The following UBE2R2 variants were observed in gnomAD, a reference collection of about 807,000 sequenced individuals.
UBE2R2 encodes the protein ubiquitin conjugating enzyme E2 R2.
A neutral mutation model predicts 27.8 loss-of-function variants in UBE2R2; 1 was observed. The ratio of observed to expected loss-of-function variants is 0.04; its 90% CI spans 0.01 to 0.17. The LOEUF (loss-of-function observed/expected upper bound fraction) is 0.17, where lower values mean the gene tolerates loss of function less well. UBE2R2 is among the 10% of genes least tolerant of loss of function. The pLI is 1.00. For missense variants in UBE2R2, 100 were observed against 291.0 expected, an observed-to-expected ratio of 0.34 and a Z score of 4.78; for synonymous variants, 106 against 113.3, an observed-to-expected ratio of 0.94 and a Z score of 0.41.
At chr9:33,853,651 C>T (rs1821023530) in intron 1 of UBE2R2, among the ~76,000 whole-genome samples, 1 of 151,954 alleles carries the variant, frequency 6.6e-6, no homozygotes, top group Non-Finnish European at 1.5e-5. Flanking sequence ...TTTATTTATC[C>T]ATCCACAAAC....
intron 1 of UBE2R2, among the ~76,000 whole-genome samples, chr9:33,838,477 T>C (rs2248910): frequency 0.61 from 93,097 of 151,676 alleles, 28,700 homozygotes; most frequent in East Asian, 0.77. Context: ...TAAACTTTCC[T>C]GAGATGTTTG....
chr9:33,863,230 G>C (rs557855402), intron 1 of UBE2R2, among the ~76,000 whole-genome samples: 1 of 151,148 alleles, frequency 6.6e-6, no homozygotes, highest in African/African-American at 2.4e-5. Context: ...GAAAGTACAT[G>C]GGTACATGGT....
At chr9:33,873,174 TAAAAA>T (rs540364601) in intron 1 of UBE2R2, among the ~76,000 whole-genome samples, 5 of 109,176 alleles carry the variant, frequency 4.6e-5, no homozygotes, top group African/African-American at 1.0e-4. Context: ...GACTCCGTCT[TAAAAA>T]AAAAAAAAAA....
At position 33,817,574 on chromosome 9, in the gene UBE2R2, T is replaced by G; in HGVS notation, c.-184T>G. ...GGCCCGGCCCGGCCTGCGTCGTGTGTGAGGAGGACCCCGGGCGGGCCCACG... is the reference window on the plus strand; with the variant it reads ...GGCCCGGCCCGGCCTGCGTCGTGTGGGAGGAGGACCCCGGGCGGGCCCACG... On this transcript the variant is annotated 5_prime_UTR_variant, in exon 1 of 5. Coordinates refer to ENST00000263228, the MANE Select transcript of UBE2R2 (RefSeq NM_017811.4). 5.7e-5 allele frequency: 27 copies of G among 476,680 alleles called. No homozygotes were observed. Among genetic ancestry groups the G allele is most frequent in the East Asian group, 1.0e-4 (1 of 9,762 alleles). 29.5% of individuals were successfully genotyped at this position (476,680 alleles called of 1,614,324 possible).
chr9:33,895,768 CTTTTT>C (rs776870484), intron 2 of UBE2R2, among the ~76,000 whole-genome samples: 2 of 90,270 alleles, frequency 2.2e-5, no homozygotes, highest in Non-Finnish European at 4.1e-5. Context: ...CTCTCTCTCT[CTTTTT>C]TTTTTTTTTT....
intron 2 of UBE2R2, among the ~76,000 whole-genome samples, chr9:33,899,919 C>A (rs1436436047): frequency 1.3e-5 from 2 of 151,578 alleles, no homozygotes; most frequent in African/African-American, 4.9e-5. Flanking sequence ...ACATAGGGAT[C>A]GTTTGTTTCA....
At chr9:33,824,638 C>CA (rs751827970) in intron 1 of UBE2R2, among the ~76,000 whole-genome samples, 2,932 of 81,420 alleles carry the variant, frequency 0.036, 60 homozygotes, top group Middle Eastern at 0.21. Flanking sequence ...GGCTCTGTCT[C>CA]AAAAAAAAAA....
chr9:33,882,414 G>A (rs1176237953), intron 1 of UBE2R2, among the ~76,000 whole-genome samples: 4 of 152,118 alleles, frequency 2.6e-5, no homozygotes, highest in African/African-American at 9.7e-5. Flanking sequence ...AGCCTCCCGA[G>A]TAGCTGGGAT....
upstream of UBE2R2, among the ~76,000 whole-genome samples, chr9:33,817,129 C>CCTCCCTCT (rs1825794028): frequency 2.0e-5 from 3 of 151,642 alleles, no homozygotes; most frequent in South Asian, 6.2e-4. Context: ...GTGCGCCCCT[C>CCTCCCTCT]CTCCCTCTCT....
intron 1 of UBE2R2, chr9:33,818,518 C>A (rs911802780): frequency 1.5e-5 from 2 of 131,468 alleles, no homozygotes; most frequent in African/African-American, 2.8e-5. Flanking sequence ...AGAATGGGAC[C>A]CTAGGGGTGG....
At chr9:33,816,175 G>A (rs1035216099), upstream of UBE2R2, among the ~76,000 whole-genome samples, 6 of 152,164 alleles carry the variant, frequency 3.9e-5, no homozygotes, top group Admixed American at 3.3e-4. Context: ...TGTGTGTGTA[G>A]AACTCTCACA....
chr9:33,878,115 C>T (rs2130787421), intron 1 of UBE2R2, among the ~76,000 whole-genome samples: 1 of 152,252 alleles, frequency 6.6e-6, no homozygotes, highest in South Asian at 2.1e-4. Context: ...ATTGTTCAAG[C>T]ATTACCTCAT....
intron 1 of UBE2R2, among the ~76,000 whole-genome samples, chr9:33,866,024 G>A (rs1821354860): frequency 6.6e-6 from 1 of 151,562 alleles, no homozygotes; most frequent in Admixed American, 6.6e-5. Flanking sequence ...TACAGATGGG[G>A]CTTCACCATG....
chr9:33,892,531 G>A (rs1259179612), intron 2 of UBE2R2, among the ~76,000 whole-genome samples: 1 of 151,964 alleles, frequency 6.6e-6, no homozygotes, highest in Non-Finnish European at 1.5e-5. Context: ...TCCTCTATGG[G>A]GTTATACATT....
At chr9:33,873,074 G>C (rs1298824036) in intron 1 of UBE2R2, among the ~76,000 whole-genome samples, 1 of 149,712 alleles carries the variant, frequency 6.7e-6, no homozygotes, top group Non-Finnish European at 1.5e-5. Context: ...ACTTGGGTGG[G>C]TGAGACAGGA....
At position 33,822,878 on chromosome 9, in the gene UBE2R2, C is replaced by T. The variant is rs975334489; in HGVS notation, c.177+4944C>T. ...GCAATGTCATTTAGATATTTTATTT[C>T]TTTTTTTTCTTTTTCTTCTTCTTAT... On this transcript the variant is annotated intron_variant, in intron 1 of 4. Coordinates refer to ENST00000263228, the MANE Select transcript of UBE2R2 (RefSeq NM_017811.4). Among the ~76,000 whole-genome samples, 31 of 146,196 alleles carry T rather than the reference C, an allele frequency of 2.1e-4. 4 individuals are homozygous for T.
At position 33,867,041 on chromosome 9, in the gene UBE2R2, A is replaced by T. The variant is rs532176622; in HGVS notation, c.178-19840A>T. On this transcript the variant is annotated intron_variant, in intron 1 of 4. Transcript: ENST00000263228. ...TATTTTAAAACTTTTGTCCCCTCCA[A>T]TGTCCTAAATATTCCTGGTTTTTTT... Among the ~76,000 whole-genome samples the T allele has an allele frequency of 5.3e-5, 8 of 152,162 alleles. No homozygotes were observed. The South Asian group carries it at 1.7e-3, about 32-fold the overall frequency.
chr9:33,905,235 C>G (rs888706856), intron 3 of UBE2R2, among the ~76,000 whole-genome samples: 9 of 152,042 alleles, frequency 5.9e-5, no homozygotes, highest in African/African-American at 2.2e-4. Flanking sequence ...TCAAGAGAGG[C>G]TGTTGTTTGG....
chr9:33,847,657 G>T (rs1261399866), intron 1 of UBE2R2, among the ~76,000 whole-genome samples: 2 of 151,250 alleles, frequency 1.3e-5, no homozygotes, highest in Non-Finnish European at 2.9e-5. Context: ...ACGTATAGTA[G>T]AATTTTTGAC....
Sources: allele counts gnomAD v4.1 joint callset (sites outside exome capture counted in the v4.1 genomes callset), GRCh38; gene constraint gnomAD v4.1.1; transcripts MANE v1.5; gene names NCBI Gene and HGNC (gene_info 2026-07-23, HGNC 2026-07-21).